COQ10B: variants seen among roughly 807,000 people sequenced by gnomAD.
COQ10B encodes coenzyme Q-binding protein COQ10 homolog B, mitochondrial.
COQ10B carries 12 observed loss-of-function variants against 27.6 expected under a neutral mutation model. The ratio of observed to expected loss-of-function variants is 0.43; its 90% CI spans 0.28 to 0.70. The LOEUF (loss-of-function observed/expected upper bound fraction) is 0.70. Ranked by LOEUF, COQ10B falls within the 30% of genes least tolerant of loss-of-function variation. The pLI is 0.17. For synonymous variants in COQ10B, 115 were observed against 103.0 expected, an observed-to-expected ratio of 1.12 and a Z score of -0.71; for missense variants, 278 against 288.7, an observed-to-expected ratio of 0.96 and a Z score of 0.27.
chr2:197,473,451 TAC>T (rs1473647105), intron 4 of COQ10B, among the ~76,000 whole-genome samples: 3,142 of 46,738 alleles, frequency 0.067, 252 homozygotes, highest in African/African-American at 0.09. Context: ...TACACATATA[TAC>T]ATATATATAT....
chr2:197,458,916 G>A (rs1248357514), intron 1 of COQ10B, among the ~76,000 whole-genome samples: 3 of 151,996 alleles, frequency 2.0e-5, no homozygotes, highest in Admixed American at 6.6e-5. Flanking sequence ...TCCTGACCTC[G>A]TGATCCACCC....
chr2:197,463,646 A>C (rs1216920765), intron 3 of COQ10B, among the ~76,000 whole-genome samples: 1 of 150,270 alleles, frequency 6.7e-6, no homozygotes, highest in Non-Finnish European at 1.5e-5. Flanking sequence ...AAAATATAAA[A>C]ATATTGGGGG....
intron 4 of COQ10B, among the ~76,000 whole-genome samples, chr2:197,472,558 C>A (rs2085888983): frequency 6.6e-6 from 1 of 152,182 alleles, no homozygotes; most frequent in African/African-American, 2.4e-5. Context: ...AATCCCAACA[C>A]TTCGCAAGGC....
rs141467425 is a variant in COQ10B at position 197,473,890 on chromosome 2, G to C, written c.683G>C (p.Arg228Pro). Reference sequence around the variant, plus strand: ...TATGGTCCAGAAACAAATATACCTCGGGAGTTAATGCTTCATGAAGTCCAT... The same window carrying C: ...TATGGTCCAGAAACAAATATACCTCCGGAGTTAATGCTTCATGAAGTCCAT... Reference protein sequence around the residue: ...KLYGPETNIPRELMLHEVHHT With the variant: ...KLYGPETNIPPELMLHEVHHT The change falls in exon 5 of 5, where the codon CGG becomes CCG. Residue 228 changes from arginine to proline, a missense_variant. Coordinates refer to ENST00000263960, the MANE Select transcript of COQ10B (RefSeq NM_025147.5). The C allele has an allele frequency of 1.3e-6, 2 of 1,580,318 alleles. No individual in the cohort carries two copies. The highest frequency in any genetic ancestry group is 1.7e-6 in the Non-Finnish European group (2 of 1,160,374).
intron 3 of COQ10B, among the ~76,000 whole-genome samples, chr2:197,463,339 G>T (rs537552320): frequency 4.6e-5 from 7 of 151,928 alleles, no homozygotes; most frequent in Non-Finnish European, 1.0e-4. Context: ...GGGCGTAGTG[G>T]TGCTTGCCTG....
intron 4 of COQ10B, among the ~76,000 whole-genome samples, chr2:197,470,723 C>T (rs1342449566): frequency 5.9e-5 from 9 of 152,110 alleles, no homozygotes; most frequent in African/African-American, 1.4e-4. Context: ...CATGAAACCC[C>T]GTCTCTAGTA....
chr2:197,460,210 C>CTT (rs781514263), intron 2 of COQ10B, 129 bp downstream of exon 2: 3,073 of 370,906 alleles, frequency 8.3e-3, no homozygotes, highest in East Asian at 0.017. Context: ...TGGCCTTTTT[C>CTT]TTTTTTTTTT....
chr2:197,461,830 C>T (rs201921894), intron 2 of COQ10B, among the ~76,000 whole-genome samples: 14 of 151,706 alleles, frequency 9.2e-5, no homozygotes, highest in East Asian at 3.9e-4. Flanking sequence ...TAGTAGAGAC[C>T]GGGTTTTACC....
chr2:197,459,564 C>A (rs931384013), intron 1 of COQ10B, among the ~76,000 whole-genome samples: 2 of 152,164 alleles, frequency 1.3e-5, no homozygotes, highest in South Asian at 2.1e-4. Context: ...AATTAAGAAA[C>A]ACCTGTGGAT....
chr2:197,454,065 C>T (rs541277171), intron 1 of COQ10B: 99 of 1,551,222 alleles, frequency 6.4e-5, no homozygotes, highest in African/African-American at 2.7e-5. Context: ...CCCCCTTCTC[C>T]GGTTCCTTCT....
intron 1 of COQ10B, chr2:197,454,190 C>T (rs2085671231): frequency 2.1e-6 from 3 of 1,454,552 alleles, no homozygotes; most frequent in Admixed American, 2.2e-5. Flanking sequence ...TTTTTTCACT[C>T]TGCTGTAACT....
rs749431567 is a variant in COQ10B at position 197,462,554 on chromosome 2, A to G, written c.270A>G (p.Glu90=). ...TTTTTTAAAGATATTCAATGCAGGA[A>G]ATGTATGATGTAGTATCGGGAGTGG... ...ERRILGYSMQ[E]MYDVVSGVED... is the part of the protein sequence containing the mutation. The change falls in exon 3 of 5, where the codon GAA becomes GAG. Residue 90 remains glutamate, a synonymous_variant. Transcript: ENST00000263960. The G allele has an allele frequency of 1.2e-5, 19 of 1,567,964 alleles. No homozygotes were observed. The highest frequency in any genetic ancestry group is 1.6e-5 in the Non-Finnish European group (18 of 1,152,936).
At chr2:197,460,456 G>A (rs145485477) in intron 2 of COQ10B, among the ~76,000 whole-genome samples, 7 of 152,190 alleles carry the variant, frequency 4.6e-5, no homozygotes, top group African/African-American at 1.7e-4. Flanking sequence ...CTCCCAAAGT[G>A]CTGGGATTAC....
intron 3 of COQ10B, among the ~76,000 whole-genome samples, chr2:197,463,964 AATATATATAT>A (rs879356506): frequency 6.0e-4 from 17 of 28,184 alleles, no homozygotes; most frequent in African/African-American, 2.4e-3. Flanking sequence ...AAAAAAAAAA[AATATATATAT>A]ATATATATAT....
intron 4 of COQ10B, among the ~76,000 whole-genome samples, chr2:197,473,506 A>G (rs1201791419): frequency 7.0e-5 from 10 of 143,070 alleles, no homozygotes; most frequent in Non-Finnish European, 1.2e-4. Flanking sequence ...GTATATATAT[A>G]CGTATATATA....
In COQ10B at chr2:197,473,466, G is replaced by GTATATACGTGTATATATACGTA. The variant is rs1264677466; in HGVS notation, c.550-285_550-284insCGTGTATATATACGTATATATA. ...TACACATATATACATATATATATAT[G>GTATATACGTGTATATATACGTA]TATATATACACGTATATATATGTAT... On this transcript the variant is annotated intron_variant, in intron 4 of 4. Coordinates refer to ENST00000263960, the MANE Select transcript of COQ10B (RefSeq NM_025147.5). Among the ~76,000 whole-genome samples the GTATATACGTGTATATATACGTA allele has an allele frequency of 2.3e-3, 206 of 88,310 alleles. 1 individual carries two copies. The highest frequency in any genetic ancestry group is 8.5e-3 in the African/African-American group (201 of 23,596). The allele number at this position is 88,310 out of a possible 152,430, so 57.9% of individuals were successfully genotyped here.
chr2:197,469,433 T>G (rs186176365), intron 3 of COQ10B, among the ~76,000 whole-genome samples: 18 of 152,300 alleles, frequency 1.2e-4, no homozygotes, highest in Admixed American at 9.2e-4. Context: ...CATAGTATGG[T>G]TAAGTATTGT....
rs372485367 is a variant in COQ10B, at chr2:197,453,574, C to T, written c.14C>T (p.Thr5Ile). Residue 5 changes from threonine (T) to isoleucine (I), a missense_variant, in exon 1 of 5, where the codon ACT becomes ATT. By Grantham distance (89) the Thr-to-Ile change is moderately conservative. This residue lies in a region of COQ10B where 183 missense variants were observed against 158.2 expected (regional missense o/e 1.16). Coordinates refer to ENST00000263960, the MANE Select transcript of COQ10B (RefSeq NM_025147.5). ...GGAGAGTCTATCATGGCAGCTCGGA[C>T]TGGTCATACGGCCTTGAGAAGGGTA... MAAR[T>I]GHTALRRVVS... The T allele has an allele frequency of 5.1e-5, 82 of 1,613,690 alleles. No homozygotes were observed. The East Asian group carries it at 1.4e-3, about 28-fold the overall frequency.
rs1399484893 is a variant in COQ10B at position 197,475,045 on chromosome 2, A to G, written c.*1121A>G. 1.8e-4 allele frequency: 28 copies of G among 152,276 alleles called. No individual in the cohort carries two copies. The highest frequency in any genetic ancestry group is 2.9e-5 in the Non-Finnish European group (2 of 68,022). The allele number at this position is 152,276 out of a possible 1,614,324, so 9.4% of individuals were successfully genotyped here. On this transcript the variant is annotated 3_prime_UTR_variant, in exon 5 of 5. Transcript: ENST00000263960. ...CACTCACTTTCAGTAATGTGTTTCA[A>G]ACTGGTATTTTTTAAAAAACAAATC...
Sources: gnomAD v4.1 joint callset for allele counts (sites outside exome capture counted in the v4.1 genomes callset) on GRCh38, gnomAD v4.1.1 for gene constraint, gnomAD v4.1.1 regional missense constraint, MANE v1.5 for transcripts, NCBI Gene and HGNC (gene_info 2026-07-23, HGNC 2026-07-21) for gene names.